RFX3: variants seen among roughly 807,000 people sequenced by gnomAD.
RFX3 encodes the protein regulatory factor X3.
Under a neutral mutation model 98.6 loss-of-function variants are expected in RFX3, and 14 were observed. The observed-to-expected ratio is 0.14, with a 90% CI of 0.09 to 0.22. RFX3 has a LOEUF of 0.22. Ranked by LOEUF, RFX3 falls within the 10% of genes least tolerant of loss-of-function variation. The pLI is 1.00. For synonymous variants in RFX3, 383 were observed against 328.4 expected (o/e 1.17, Z -1.80); for missense variants, 639 against 926.9 (o/e 0.69, Z 4.03).
At chr9:3,348,656 G>C (rs542111674) in intron 2 of RFX3, among the ~76,000 whole-genome samples, 12 of 152,092 alleles carry the variant, frequency 7.9e-5, no homozygotes, top group Admixed American at 7.2e-4. Flanking sequence ...TACTGAAAAT[G>C]ACTTTATCCC....
At chr9:3,288,551 A>T (rs1826937388) in intron 6 of RFX3, among the ~76,000 whole-genome samples, 1 of 152,046 alleles carries the variant, frequency 6.6e-6, no homozygotes, top group East Asian at 1.9e-4. Flanking sequence ...TTCCATTTTC[A>T]AATTTCTATT....
intron 5 of RFX3, among the ~76,000 whole-genome samples, chr9:3,300,498 A>G (rs1371567853): frequency 6.6e-6 from 1 of 151,830 alleles, no homozygotes; most frequent in Non-Finnish European, 1.5e-5. Flanking sequence ...AAATACTTAA[A>G]AAAAACACAG....
At chr9:3,366,215 C>A (rs1280991513) in intron 2 of RFX3, among the ~76,000 whole-genome samples, 1 of 152,132 alleles carries the variant, frequency 6.6e-6, no homozygotes, top group African/African-American at 2.4e-5. Context: ...AAGGGAAACA[C>A]CATAGGTGAG....
chr9:3,286,160 C>T (rs979743714), intron 7 of RFX3, among the ~76,000 whole-genome samples: 3 of 151,736 alleles, frequency 2.0e-5, no homozygotes, highest in African/African-American at 7.3e-5. Context: ...ACCATCATCT[C>T]CACTGTGTAG....
chr9:3,524,697 G>A (rs1819043914), intron 1 of RFX3: 7 of 833,998 alleles, frequency 8.4e-6, no homozygotes, highest in African/African-American at 7.4e-5. Context: ...CTCTACTGCG[G>A]GGAAGGAGGA....
chr9:3,441,189 G>C (rs1845578387), intron 1 of RFX3, among the ~76,000 whole-genome samples: 1 of 152,254 alleles, frequency 6.6e-6, no homozygotes, highest in Middle Eastern at 3.4e-3. Context: ...TTGTTGGATA[G>C]AGACATTAAT....
intron 1 of RFX3, among the ~76,000 whole-genome samples, chr9:3,515,415 G>T (rs1315860330): frequency 3.9e-5 from 6 of 152,132 alleles, no homozygotes; most frequent in African/African-American, 1.4e-4. Context: ...AGTAGGTAAG[G>T]AAAGAAATCT....
intron 5 of RFX3, among the ~76,000 whole-genome samples, chr9:3,296,079 T>A (rs1186784530): frequency 6.6e-6 from 1 of 151,900 alleles, no homozygotes; most frequent in East Asian, 1.9e-4. Context: ...TAGATTAAAA[T>A]TTTTACTACA....
intron 1 of RFX3, among the ~76,000 whole-genome samples, chr9:3,507,418 G>A (rs768434871): frequency 1.3e-5 from 2 of 151,880 alleles, no homozygotes; most frequent in Non-Finnish European, 2.9e-5. Flanking sequence ...TTTTGACTAT[G>A]TCATATACTG....
intron 1 of RFX3, among the ~76,000 whole-genome samples, chr9:3,468,488 G>C (rs1030166776): frequency 6.6e-6 from 1 of 152,148 alleles, no homozygotes; most frequent in Non-Finnish European, 1.5e-5. Context: ...GCTATTTCTT[G>C]TAGAGAGAAA....
chr9:3,368,404 A>C (rs1837447506), intron 2 of RFX3, among the ~76,000 whole-genome samples: 1 of 152,202 alleles, frequency 6.6e-6, no homozygotes, highest in Non-Finnish European at 1.5e-5. Flanking sequence ...AGAATAAATA[A>C]GGTAAAGCAA....
At chr9:3,516,873 C>G (rs1818231364) in intron 1 of RFX3, among the ~76,000 whole-genome samples, 1 of 152,172 alleles carries the variant, frequency 6.6e-6, no homozygotes, top group African/African-American at 2.4e-5. Flanking sequence ...GAGAAGCTGG[C>G]TCCGGCAGGA....
chr9:3,447,438 G>A (rs961420521), intron 1 of RFX3, among the ~76,000 whole-genome samples: 2 of 152,094 alleles, frequency 1.3e-5, no homozygotes, highest in East Asian at 1.9e-4. Context: ...AAAACTTTGG[G>A]CTAAGACATC....
intron 2 of RFX3, among the ~76,000 whole-genome samples, chr9:3,394,482 C>T (rs1015361221): frequency 6.6e-6 from 1 of 152,092 alleles, no homozygotes; most frequent in Non-Finnish European, 1.5e-5. Context: ...ACAAAACAAA[C>T]ACAAGACGAT....
chr9:3,524,654 A>G (rs1421854752), intron 1 of RFX3: 2 of 981,174 alleles, frequency 2.0e-6, no homozygotes, highest in Non-Finnish European at 1.2e-6. Flanking sequence ...TGTTCATCAC[A>G]AAGTCTCATA....
intron 1 of RFX3, among the ~76,000 whole-genome samples, chr9:3,448,664 G>A (rs1275638708): frequency 6.6e-6 from 1 of 152,124 alleles, no homozygotes; most frequent in Non-Finnish European, 1.5e-5. Flanking sequence ...GACTACAGAT[G>A]CATTCTACCA....
intron 2 of RFX3, among the ~76,000 whole-genome samples, chr9:3,387,821 T>C (rs1049909996): frequency 1.3e-5 from 2 of 151,956 alleles, no homozygotes; most frequent in African/African-American, 4.8e-5. Flanking sequence ...GAAATAATGG[T>C]CTCAAATGAA....
chr9:3,233,398 G>C (rs1818737740), intron 15 of RFX3, among the ~76,000 whole-genome samples: 1 of 152,194 alleles, frequency 6.6e-6, no homozygotes. Flanking sequence ...GTGCATTAAA[G>C]AGACCACTGT....
intron 1 of RFX3, among the ~76,000 whole-genome samples, chr9:3,496,551 A>G (rs1039846890): frequency 2.6e-5 from 4 of 152,016 alleles, no homozygotes; most frequent in African/African-American, 7.2e-5. Context: ...AAAGATGAAA[A>G]TAAGAATACT....
Sources: allele counts gnomAD v4.1 joint callset (sites outside exome capture counted in the v4.1 genomes callset), GRCh38; gene constraint gnomAD v4.1.1; transcripts MANE v1.5; gene names NCBI Gene and HGNC (gene_info 2026-07-23, HGNC 2026-07-21).